The following RIC8B variants were observed in gnomAD, a reference collection of about 807,000 sequenced individuals.
RIC8B encodes the protein RIC8 guanine nucleotide exchange factor B.
In RIC8B, 16 loss-of-function variants were observed where a neutral mutation model predicts 57.5. The ratio of observed to expected loss-of-function variants is 0.28; its 90% CI spans 0.19 to 0.42. RIC8B has a LOEUF of 0.42. Among genes scored for constraint, RIC8B ranks in the 10% least tolerant of loss-of-function variants. The pLI is 1.00. For synonymous variants in RIC8B, 216 were observed against 250.8 expected, an observed-to-expected ratio of 0.86 and a Z score of 1.31; for missense variants, 481 against 677.0, an observed-to-expected ratio of 0.71 and a Z score of 3.21.
chr12:106,881,220 TG>T (rs1167505966), intron 9 of RIC8B, among the ~76,000 whole-genome samples: 1 of 149,634 alleles, frequency 6.7e-6, no homozygotes, highest in Non-Finnish European at 1.5e-5. Flanking sequence ...AAGTTGGGGG[TG>T]GGGGGTATGC....
chr12:106,829,522 A>G (rs1472848085), intron 4 of RIC8B, among the ~76,000 whole-genome samples: 1 of 152,252 alleles, frequency 6.6e-6, no homozygotes, highest in Non-Finnish European at 1.5e-5. Context: ...TTTGTCTCAC[A>G]TATTGAAGGG....
At chr12:106,775,333 A>G in intron 1 of RIC8B, 1 of 456,100 alleles carries the variant, frequency 2.2e-6, no homozygotes, top group Non-Finnish European at 4.4e-6. Flanking sequence ...GAGTGTTTAT[A>G]GGGTAGATGG....
intron 3 of RIC8B, among the ~76,000 whole-genome samples, chr12:106,815,580 A>C (rs183482619): frequency 6.6e-6 from 1 of 152,340 alleles, no homozygotes; most frequent in East Asian, 1.9e-4. Context: ...TCTCTTTTTA[A>C]GAGTGCCGCT....
At chr12:106,862,455 G>C (rs1176825847) in intron 8 of RIC8B, among the ~76,000 whole-genome samples, 1 of 151,976 alleles carries the variant, frequency 6.6e-6, no homozygotes, top group Non-Finnish European at 1.5e-5. Context: ...CTGCAAGCAG[G>C]AGTACCCTTT....
intron 8 of RIC8B, among the ~76,000 whole-genome samples, chr12:106,862,644 C>A (rs1472573268): frequency 6.6e-6 from 1 of 152,118 alleles, no homozygotes; most frequent in Admixed American, 6.6e-5. Flanking sequence ...TCTTGTGATG[C>A]ATTTATTCAC....
intron 1 of RIC8B, among the ~76,000 whole-genome samples, chr12:106,778,884 A>T (rs12302369): frequency 0.025 from 3,847 of 152,266 alleles, 164 homozygotes; most frequent in African/African-American, 0.087. Flanking sequence ...CTGATAGAAA[A>T]CACCATAGTA....
chr12:106,871,716 G>A (rs891289143), intron 9 of RIC8B, among the ~76,000 whole-genome samples: 1 of 152,108 alleles, frequency 6.6e-6, no homozygotes, highest in Non-Finnish European at 1.5e-5. Flanking sequence ...ATGCTTCTGT[G>A]TGTTGGTGGC....
chr12:106,784,171 T>C lies in RIC8B; in HGVS notation c.132+127T>C, dbSNP rs1164527933. On this transcript the variant is annotated intron_variant, in intron 2 of 9. Coordinates refer to ENST00000392837, the MANE Select transcript of RIC8B (RefSeq NM_001330145.2). The stretch of plus-strand genomic sequence containing the variant: ...TTTCTTGTTTCCCTTCATTTTGTTT[T>C]TTAGGAACCCTGAGAAGAAAGGTTA... 4.5e-6 allele frequency: 4 copies of C among 886,630 alleles called. No individual in the cohort carries two copies. The African/African-American group carries it at 6.8e-5, about 15-fold the overall frequency. The allele number at this position is 886,630 out of a possible 1,614,324, so 54.9% of individuals were successfully genotyped here.
chr12:106,781,319 T>A (rs2043753965), intron 1 of RIC8B, among the ~76,000 whole-genome samples: 2 of 152,174 alleles, frequency 1.3e-5, no homozygotes, highest in African/African-American at 2.4e-5. Flanking sequence ...GAAGGTGAGA[T>A]GGCTGACTGT....
intron 6 of RIC8B, among the ~76,000 whole-genome samples, chr12:106,844,463 A>G (rs1949094872): frequency 6.6e-6 from 1 of 152,202 alleles, no homozygotes; most frequent in Admixed American, 6.5e-5. Context: ...GAAAAGCAAG[A>G]AGGCCTGTGT....
At chr12:106,853,450 AGTCTTT>A in intron 7 of RIC8B, among the ~76,000 whole-genome samples, 1 of 69,492 alleles carries the variant, frequency 1.4e-5, no homozygotes, top group African/African-American at 6.1e-5. Context: ...TCTGCTTTAT[AGTCTTT>A]TTTTTTTTTT....
chr12:106,797,270 G>A (rs935289855), intron 2 of RIC8B, among the ~76,000 whole-genome samples: 2 of 152,076 alleles, frequency 1.3e-5, no homozygotes, highest in African/African-American at 4.8e-5. Flanking sequence ...CCTGGTGAGT[G>A]GATAAATAAA....
chr12:106,828,737 G>A (rs4964491), intron 4 of RIC8B, among the ~76,000 whole-genome samples: 36,149 of 152,060 alleles, frequency 0.24, 4,317 homozygotes, highest in East Asian at 0.34. Flanking sequence ...ACTTCTATTA[G>A]TATTATGATA....
In RIC8B at chr12:106,826,826, G is replaced by T. The variant is rs547860535; in HGVS notation, c.836+1006G>T. On this transcript the variant is annotated intron_variant, in intron 4 of 9. Coordinates refer to ENST00000392837, the MANE Select transcript of RIC8B (RefSeq NM_001330145.2). ...AGTTCAGCTGGGTGCTGTGGCTCAT[G>T]CCTGTAATACTAGCACTTTGGGAGG... Among the ~76,000 whole-genome samples, 95 of 152,300 alleles carry T rather than the reference G, an allele frequency of 6.2e-4. 1 individual carries two copies. Among genetic ancestry groups the T allele is most frequent in the African/African-American group, 2.3e-3 (94 of 41,566 alleles).
In RIC8B at chr12:106,851,529, C is replaced by A. The variant is rs760644786; in HGVS notation, c.1241C>A (p.Thr414Lys). The A allele has an allele frequency of 6.2e-6, 10 of 1,613,388 alleles. No individual in the cohort carries two copies. In the Admixed American group the frequency reaches 1.7e-4, roughly 27 times the overall value. The change falls in exon 7 of 10, where the codon ACA becomes AAA. Residue 414 changes from threonine to lysine, a missense_variant. Physicochemically the swap from Thr to Lys is moderately conservative, Grantham distance 78 (BLOSUM62 -1). Transcript: ENST00000392837. ...TVRNKLVRLM[T>K]HVDLGVKQIA... ...AGAAATAAGCTGGTGCGCCTCATGA[C>A]ACATGTTGACCTTGGAGTCAAGCAA...
intron 8 of RIC8B, among the ~76,000 whole-genome samples, chr12:106,862,609 A>C (rs939061948): frequency 2.0e-5 from 3 of 152,148 alleles, no homozygotes; most frequent in Admixed American, 6.6e-5. Flanking sequence ...CACCAGTCAG[A>C]GTTCCCAAGA....
At chr12:106,825,699 G>A (rs1312057409) in intron 3 of RIC8B, 27 bp from the exon 4 acceptor site, 1 of 1,576,884 alleles carries the variant, frequency 6.3e-7, no homozygotes, top group Admixed American at 1.7e-5. Context: ...AACCCCCAAT[G>A]TTTCCTCTCT....
chr12:106,774,836 A>C lies in RIC8B; in HGVS notation c.84+7A>C. 1 of 1,550,728 alleles carries C rather than the reference A, an allele frequency of 6.4e-7. No homozygotes were observed. The highest frequency in any genetic ancestry group is 8.7e-7 in the Non-Finnish European group (1 of 1,146,148). On this transcript the variant is annotated splice_region_variant and intron_variant, in intron 1 of 9. Transcript: ENST00000392837. ...GAGGGATTACAGCGACAAGGTAAAGAGTCCTGGCCCCGGGCGTGCGGTATC... is the reference window on the plus strand; with the variant it reads ...GAGGGATTACAGCGACAAGGTAAAGCGTCCTGGCCCCGGGCGTGCGGTATC...
chr12:106,786,350 C>T (rs1265191675), intron 2 of RIC8B, among the ~76,000 whole-genome samples: 2 of 151,904 alleles, frequency 1.3e-5, no homozygotes, highest in African/African-American at 2.4e-5. Flanking sequence ...GGGGTTTCAC[C>T]GTGTTAGCCA....
Sources: allele counts gnomAD v4.1 joint callset (sites outside exome capture counted in the v4.1 genomes callset), GRCh38; gene constraint gnomAD v4.1.1; transcripts MANE v1.5; gene names NCBI Gene and HGNC (gene_info 2026-07-23, HGNC 2026-07-21).